TSPEAR: variants seen among roughly 807,000 people sequenced by gnomAD.
TSPEAR encodes thrombospondin-type laminin G domain and EAR repeat-containing protein.
A neutral mutation model predicts 71.6 loss-of-function variants in TSPEAR; 69 were observed. That is an observed-to-expected ratio of 0.96 (90% CI 0.79 to 1.18). TSPEAR has a LOEUF of 1.18. TSPEAR is among the 50% of genes most tolerant of loss of function. The pLI, the probability that TSPEAR is intolerant of heterozygous loss-of-function variation, is 0.00. For synonymous variants in TSPEAR, 402 were observed against 387.2 expected (o/e 1.04, Z -0.45); for missense variants, 971 against 894.9 (o/e 1.09, Z -1.09).
intron 1 of TSPEAR, among the ~76,000 whole-genome samples, chr21:44,582,351 T>C (rs61074768): frequency 0.029 from 4,475 of 152,304 alleles, 191 homozygotes; most frequent in African/African-American, 0.094. Context: ...GGCTCCGTTC[T>C]GTCACACAGC....
chr21:44,499,959 C>A (rs782660251), intron 11 of TSPEAR, 23 bp from the exon 12 acceptor site: 1 of 1,589,062 alleles, frequency 6.3e-7, no homozygotes, highest in Admixed American at 1.7e-5. Flanking sequence ...CAGCGGCAGC[C>A]GGGTCAGCCT....
chr21:44,548,015 T>C (rs2053329218), intron 2 of TSPEAR, among the ~76,000 whole-genome samples: 1 of 152,232 alleles, frequency 6.6e-6, no homozygotes, highest in South Asian at 2.1e-4. Context: ...CTCCCAGGCT[T>C]TTTGGGCATG....
At position 44,504,866 on chromosome 21, in the gene TSPEAR, C is replaced by T. The variant is rs781829264; in HGVS notation, c.1770G>A (p.Glu590=). Residue 590 remains glutamate, a synonymous_variant, in exon 11 of 12, where the codon GAG becomes GAA. Transcript: ENST00000323084. ...DILTCSALDW[E]FFSVGEDYFL... Reference sequence around the variant, plus strand: ...AATAATCTTCTCCCACCGAGAAAAACTCCCAGTCCAGAGCACTGCAGGAAC... The same window carrying T: ...AATAATCTTCTCCCACCGAGAAAAATTCCCAGTCCAGAGCACTGCAGGAAC... 1.7e-5 allele frequency: 28 copies of T among 1,613,636 alleles called. No individual in the cohort carries two copies. Among genetic ancestry groups the T allele is most frequent in the Non-Finnish European group, 2.4e-5 (28 of 1,179,818 alleles).
chr21:44,558,084 C>T lies in TSPEAR; in HGVS notation c.303+9701G>A, dbSNP rs373318546. ...GGACTTCTGGCCTGAGGAGAGGCCG[C>T]AGCACGCGGAAGAGAGGCGGGAGCA... On this transcript the variant is annotated intron_variant, in intron 2 of 11. Coordinates refer to ENST00000323084, the MANE Select transcript of TSPEAR (RefSeq NM_144991.3). The T allele has an allele frequency of 1.9e-5, 31 of 1,611,796 alleles. No homozygotes were observed. The highest frequency in any genetic ancestry group is 2.3e-5 in the Non-Finnish European group (27 of 1,178,748).
intron 1 of TSPEAR, chr21:44,666,748 GCA>G (rs1985793715): frequency 1.2e-6 from 2 of 1,613,836 alleles, no homozygotes; most frequent in Admixed American, 3.3e-5. Flanking sequence ...AAGCTCACGG[GCA>G]CACACACGGA....
chr21:44,624,064 G>A (rs1056984571), intron 1 of TSPEAR, among the ~76,000 whole-genome samples: 3 of 152,068 alleles, frequency 2.0e-5, no homozygotes, highest in Admixed American at 6.5e-5. Context: ...TACAACATAA[G>A]GGCATGCTTA....
intron 1 of TSPEAR, chr21:44,702,655 A>G (rs903041707): frequency 2.7e-5 from 42 of 1,576,316 alleles, no homozygotes; most frequent in African/African-American, 1.8e-4. Context: ...CACCTGCTGC[A>G]TGCCCGTCCC....
intron 1 of TSPEAR, among the ~76,000 whole-genome samples, chr21:44,652,452 G>A (rs1984866717): frequency 6.6e-6 from 1 of 152,214 alleles, no homozygotes; most frequent in African/African-American, 2.4e-5. Context: ...AGGTGACTGA[G>A]TGACTCTCTC....
chr21:44,650,938 AT>A (rs1369662694), intron 1 of TSPEAR, among the ~76,000 whole-genome samples: 1 of 152,186 alleles, frequency 6.6e-6, no homozygotes, highest in Non-Finnish European at 1.5e-5. Flanking sequence ...GAATCTGCAG[AT>A]GCTCTGGGGG....
At chr21:44,684,804 G>C (rs1378238250) in intron 1 of TSPEAR, among the ~76,000 whole-genome samples, 2 of 152,252 alleles carry the variant, frequency 1.3e-5, no homozygotes, top group Non-Finnish European at 2.9e-5. Flanking sequence ...AAATATCAAA[G>C]ATGCATCCTC....
intron 1 of TSPEAR, among the ~76,000 whole-genome samples, chr21:44,669,195 C>T (rs1241991166): frequency 6.6e-6 from 1 of 152,116 alleles, no homozygotes; most frequent in African/African-American, 2.4e-5. Flanking sequence ...GAGGGCAAGG[C>T]GGCTGGATCA....
Position 44,522,077 on chromosome 21 carries a change from A to C in TSPEAR, c.1372T>G (p.Trp458Gly), listed in dbSNP as rs782168687. Reference sequence around the variant, plus strand: ...TCGAAGAGCCGGGTTGCCGGGTTCCACTTGTAGATGACACTGTCGATGTTG... The same window carrying C: ...TCGAAGAGCCGGGTTGCCGGGTTCCCCTTGTAGATGACACTGTCGATGTTG... ...NHNIDSVIYK[W>G]NPATRLFEAN... is the part of the protein sequence containing the mutation. Residue 458 changes from tryptophan (W) to glycine (G), a missense_variant, in exon 9 of 12, where the codon TGG becomes GGG. Coordinates refer to ENST00000323084, the MANE Select transcript of TSPEAR (RefSeq NM_144991.3). 6.2e-7 allele frequency: 1 copy of C among 1,614,022 alleles called. No homozygotes were observed. Among genetic ancestry groups the C allele is most frequent in the Admixed American group, 1.7e-5 (1 of 60,018 alleles).
intron 2 of TSPEAR, chr21:44,539,637 C>A (rs782583085): frequency 6.2e-7 from 1 of 1,612,846 alleles, no homozygotes; most frequent in Non-Finnish European, 8.5e-7. Context: ...GTGCAGCAAG[C>A]TGGATGGCAG....
rs930706357 is a variant in TSPEAR at position 44,695,483 on chromosome 21, C to A, written c.82+15950G>T. 2.0e-5 allele frequency among the ~76,000 whole-genome samples: 3 copies of A among 152,214 alleles called. No individual in the cohort carries two copies. Among genetic ancestry groups the A allele is most frequent in the Non-Finnish European group, 4.4e-5 (3 of 68,028 alleles). On this transcript the variant is annotated intron_variant, in intron 1 of 11. Coordinates refer to ENST00000323084, the MANE Select transcript of TSPEAR (RefSeq NM_144991.3). This position sits in a 1 kb window ranked among gnomAD's most constrained non-coding sequence, Gnocchi z 4.5. Reference sequence around the variant, plus strand: ...GGGCCTCTCCCTGGCCATGCCCCAACCTGGCTCACACTCCCTCAGGGTTGC... The same window carrying A: ...GGGCCTCTCCCTGGCCATGCCCCAAACTGGCTCACACTCCCTCAGGGTTGC...
intron 1 of TSPEAR, chr21:44,646,832 C>T (rs782281729): frequency 7.6e-6 from 12 of 1,575,376 alleles, no homozygotes; most frequent in African/African-American, 5.5e-5. Context: ...GCTGCTTCTT[C>T]GTGCTGCCGG....
chr21:44,539,578 AGGCTTGCAACGGACG>A (rs1907753626), intron 2 of TSPEAR: 2 of 1,613,292 alleles, frequency 1.2e-6, no homozygotes, highest in Non-Finnish European at 1.7e-6. Context: ...TGCAGCAGAC[AGGCTTGCAACGGACG>A]GGCACGCAGC....
In TSPEAR at chr21:44,689,150, C is replaced by G. The variant is rs113822175; in HGVS notation, c.82+22283G>C. Among the ~76,000 whole-genome samples, 596 of 152,270 alleles carry G rather than the reference C, an allele frequency of 3.9e-3. 4 individuals are homozygous for G. Among genetic ancestry groups the G allele is most frequent in the African/African-American group, 0.014 (580 of 41,556 alleles). ...AAGCCAGCGGCACGAAAAGCAAGAC[C>G]AAGATAAACTAACATATCACTGCAC... is the stretch of plus-strand genomic sequence containing the variant. On this transcript the variant is annotated intron_variant, in intron 1 of 11. Transcript: ENST00000323084.
rs587667837 is a variant in TSPEAR, at chr21:44,574,980, C to A, written c.83-6975G>T. 12 of 1,611,712 alleles carry A rather than the reference C, an allele frequency of 7.4e-6. No homozygotes were observed. The East Asian group carries it at 2.2e-4, about 30-fold the overall frequency. On this transcript the variant is annotated intron_variant, in intron 1 of 11. Coordinates refer to ENST00000323084, the MANE Select transcript of TSPEAR (RefSeq NM_144991.3). ...CCTCCTCTGACGCCCCGTGTGCTCC[C>A]GCCCAGCCTGCTGAGGCCTCCGCTC... is the stretch of plus-strand genomic sequence containing the variant.
chr21:44,519,311 T>G (rs8132614), intron 9 of TSPEAR: 38,087 of 152,530 alleles, frequency 0.25, 6,867 homozygotes, highest in African/African-American at 0.52. Context: ...GATTACAGGC[T>G]TGAGCCACTG....
Sources: allele counts gnomAD v4.1 joint callset (sites outside exome capture counted in the v4.1 genomes callset), GRCh38; gene constraint gnomAD v4.1.1; non-coding constraint Gnocchi (gnomAD v3.1); transcripts MANE v1.5; gene names NCBI Gene and HGNC (gene_info 2026-07-23, HGNC 2026-07-21).